HS3ST4: variants seen among roughly 807,000 people sequenced by gnomAD.
The protein encoded by HS3ST4 is heparan sulfate glucosamine 3-O-sulfotransferase 4.
In HS3ST4, 17 loss-of-function variants were observed where a neutral mutation model predicts 29.2. That is an observed-to-expected ratio of 0.58 (90% CI 0.40 to 0.87). The LOEUF is 0.87. Ranked by LOEUF, HS3ST4 falls within the 40% of genes least tolerant of loss-of-function variation. HS3ST4 has a pLI of 0.00. For missense variants in HS3ST4, 627 were observed against 634.5 expected, an observed-to-expected ratio of 0.99 and a Z score of 0.13; for synonymous variants, 314 against 285.7, an observed-to-expected ratio of 1.10 and a Z score of -1.00.
At chr16:25,904,561 C>A (rs995934309) in intron 1 of HS3ST4, among the ~76,000 whole-genome samples, 1 of 152,160 alleles carries the variant, frequency 6.6e-6, no homozygotes, top group East Asian at 1.9e-4. Flanking sequence ...CTTGTGGGGA[C>A]AGGTTGCTTG....
intron 1 of HS3ST4, among the ~76,000 whole-genome samples, chr16:25,848,259 C>G (rs777523694): frequency 9.2e-5 from 14 of 152,108 alleles, no homozygotes; most frequent in Non-Finnish European, 1.5e-4. Context: ...CTGCCTCAGC[C>G]TCCTGAGTAG....
chr16:25,769,850 A>C (rs1966839687), intron 1 of HS3ST4, among the ~76,000 whole-genome samples: 1 of 152,174 alleles, frequency 6.6e-6, no homozygotes. Context: ...GGTTGTAGCC[A>C]ACACAGGGGC....
In HS3ST4 at chr16:25,971,102, C is replaced by T. The variant is rs1011831224; in HGVS notation, c.735-164510C>T. ...CTGACCTCAAGTGATTTGCCCACCT[C>T]GGTCTCCCAGAGTGCTGGGATTACA... On this transcript the variant is annotated intron_variant, in intron 1 of 1. Transcript: ENST00000331351. Among the ~76,000 whole-genome samples the T allele has an allele frequency of 3.3e-5, 5 of 152,130 alleles. 1 individual carries two copies. Among genetic ancestry groups the T allele is most frequent in the Admixed American group, 1.3e-4 (2 of 15,276 alleles).
At chr16:25,896,503 T>C (rs933594305) in intron 1 of HS3ST4, among the ~76,000 whole-genome samples, 1 of 152,080 alleles carries the variant, frequency 6.6e-6, no homozygotes, top group Non-Finnish European at 1.5e-5. Context: ...AAATAACAGA[T>C]GTTGGCAGGG....
chr16:25,721,618 G>A (rs950385865), intron 1 of HS3ST4, among the ~76,000 whole-genome samples: 1 of 152,194 alleles, frequency 6.6e-6, no homozygotes, highest in African/African-American at 2.4e-5. Flanking sequence ...GCGTATTTAT[G>A]CACAGACAGT....
intron 1 of HS3ST4, among the ~76,000 whole-genome samples, chr16:25,829,149 G>A (rs1189554006): frequency 3.3e-5 from 5 of 152,194 alleles, no homozygotes; most frequent in East Asian, 1.9e-4. Context: ...GAACATTAAG[G>A]TTGTTACCTA....
intron 1 of HS3ST4, among the ~76,000 whole-genome samples, chr16:25,974,087 C>A (rs547842240): frequency 1.3e-5 from 2 of 152,210 alleles, no homozygotes; most frequent in Admixed American, 6.5e-5. Flanking sequence ...CTCTTACATA[C>A]GCTTCTTACA....
At chr16:25,706,243 A>G (rs1321032799) in intron 1 of HS3ST4, among the ~76,000 whole-genome samples, 1 of 152,074 alleles carries the variant, frequency 6.6e-6, no homozygotes. Flanking sequence ...GCAGTTGTTG[A>G]GCTTTGGGAG....
intron 1 of HS3ST4, among the ~76,000 whole-genome samples, chr16:25,762,083 G>A (rs1284862373): frequency 6.6e-6 from 1 of 152,166 alleles, no homozygotes; most frequent in Non-Finnish European, 1.5e-5. Context: ...TAGGATTAGT[G>A]TCCCTCTGAG....
intron 1 of HS3ST4, among the ~76,000 whole-genome samples, chr16:25,876,222 C>T (rs1967831616): frequency 6.6e-6 from 1 of 152,104 alleles, no homozygotes; most frequent in Admixed American, 6.6e-5. Flanking sequence ...GCAATCTGGA[C>T]TGCTATTTCA....
At chr16:25,870,122 C>T (rs1020219976) in intron 1 of HS3ST4, among the ~76,000 whole-genome samples, 6 of 152,060 alleles carry the variant, frequency 3.9e-5, no homozygotes, top group African/African-American at 1.4e-4. Flanking sequence ...ACCCTTCATT[C>T]ATCCACCCAT....
intron 1 of HS3ST4, among the ~76,000 whole-genome samples, chr16:26,011,701 TGTGA>T (rs1385369705): frequency 5.9e-4 from 56 of 95,650 alleles, no homozygotes; most frequent in Admixed American, 2.4e-3. Flanking sequence ...TGTGTGTGTG[TGTGA>T]GAGAGAGACA....
chr16:26,008,064 A>G (rs955471720), intron 1 of HS3ST4, among the ~76,000 whole-genome samples: 1 of 152,174 alleles, frequency 6.6e-6, no homozygotes, highest in Non-Finnish European at 1.5e-5. Context: ...CTTTGGCTGG[A>G]TCCAGAAACC....
At chr16:25,979,335 G>A (rs768036807) in intron 1 of HS3ST4, among the ~76,000 whole-genome samples, 1 of 152,122 alleles carries the variant, frequency 6.6e-6, no homozygotes, top group African/African-American at 2.4e-5. Context: ...GTTAGGAGCC[G>A]GGCCACACCA....
At chr16:25,717,369 AC>A (rs1327167883) in intron 1 of HS3ST4, among the ~76,000 whole-genome samples, 2 of 152,156 alleles carry the variant, frequency 1.3e-5, no homozygotes, top group Non-Finnish European at 2.9e-5. Flanking sequence ...AAGGAACAAT[AC>A]CCAGTACTGT....
chr16:26,060,390 C>T (rs956644553), intron 1 of HS3ST4, among the ~76,000 whole-genome samples: 1 of 152,160 alleles, frequency 6.6e-6, no homozygotes, highest in Non-Finnish European at 1.5e-5. Flanking sequence ...TACACCAGCT[C>T]GTCTTACTCC....
intron 1 of HS3ST4, among the ~76,000 whole-genome samples, chr16:25,964,760 A>T (rs1381818544): frequency 2.6e-5 from 4 of 152,186 alleles, no homozygotes; most frequent in Non-Finnish European, 4.4e-5. Context: ...TTTCCTCATC[A>T]GTTCAATCAT....
chr16:25,802,767 G>A (rs1045730593), intron 1 of HS3ST4, among the ~76,000 whole-genome samples: 5 of 152,014 alleles, frequency 3.3e-5, no homozygotes, highest in Non-Finnish European at 7.4e-5. Flanking sequence ...CCATCAAAAT[G>A]TTGTAAATCG....
intron 1 of HS3ST4, among the ~76,000 whole-genome samples, chr16:25,710,333 T>C (rs1381381254): frequency 6.6e-6 from 1 of 152,190 alleles, no homozygotes; most frequent in East Asian, 1.9e-4. Flanking sequence ...ATCTTGAAGG[T>C]TCTTCAGCAG....
Sources: allele counts gnomAD v4.1 joint callset (sites outside exome capture counted in the v4.1 genomes callset), GRCh38; gene constraint gnomAD v4.1.1; transcripts MANE v1.5; gene names NCBI Gene and HGNC (gene_info 2026-07-23, HGNC 2026-07-21).